The following ADAMTS6 variants were observed in gnomAD, a reference collection of about 807,000 sequenced individuals.
ADAMTS6 encodes ADAM metallopeptidase with thrombospondin type 1 motif 6.
ADAMTS6 carries 23 observed loss-of-function variants against 144.3 expected under a neutral mutation model. That is an observed-to-expected ratio of 0.16 (90% CI 0.11 to 0.23). The LOEUF (loss-of-function observed/expected upper bound fraction) is 0.23. ADAMTS6 is among the 10% of genes least tolerant of loss of function. ADAMTS6 has a pLI of 1.00. For synonymous variants in ADAMTS6, 444 were observed against 457.5 expected (o/e 0.97, Z 0.38); for missense variants, 999 against 1,379.6 (o/e 0.72, Z 4.37).
At chr5:65,238,585 A>G (rs1472909959) in intron 15 of ADAMTS6, among the ~76,000 whole-genome samples, 2 of 151,568 alleles carry the variant, frequency 1.3e-5, no homozygotes, top group African/African-American at 2.4e-5. Context: ...GGACAACAGA[A>G]CCAGACCCTG....
At chr5:65,197,405 T>G (rs1250838773) in intron 20 of ADAMTS6, among the ~76,000 whole-genome samples, 1 of 152,214 alleles carries the variant, frequency 6.6e-6, no homozygotes, top group Non-Finnish European at 1.5e-5. Context: ...TCTTAAACAA[T>G]TTTATTCACA....
At chr5:65,409,246 C>A (rs1217479513) in intron 7 of ADAMTS6, among the ~76,000 whole-genome samples, 1 of 152,072 alleles carries the variant, frequency 6.6e-6, no homozygotes, top group Admixed American at 6.6e-5. Flanking sequence ...AACTGATAGA[C>A]CGCTAGCAAG....
intron 15 of ADAMTS6, among the ~76,000 whole-genome samples, chr5:65,233,492 G>GATACAAAAATCAAC (rs1758419638): frequency 6.6e-6 from 1 of 151,800 alleles, no homozygotes; most frequent in African/African-American, 2.4e-5. Context: ...AGTAAATACG[G>GATACAAAAATCAAC]ATACAAAAAT....
intron 7 of ADAMTS6, among the ~76,000 whole-genome samples, chr5:65,339,394 A>C (rs1747606811): frequency 6.6e-6 from 1 of 151,690 alleles, no homozygotes; most frequent in Admixed American, 6.6e-5. Flanking sequence ...AAATTAGAAG[A>C]GGTAGCTTTT....
At chr5:65,167,092 G>C (rs1289747233) in intron 24 of ADAMTS6, among the ~76,000 whole-genome samples, 10 of 144,526 alleles carry the variant, frequency 6.9e-5, no homozygotes, top group Admixed American at 6.9e-5. Context: ...ATGAATCCAG[G>C]AGCTGGTTTT....
chr5:65,436,163 CAACCTAAGCAACAT>C (rs559462225), intron 7 of ADAMTS6, among the ~76,000 whole-genome samples: 267 of 152,090 alleles, frequency 1.8e-3, no homozygotes, highest in African/African-American at 2.4e-3. Flanking sequence ...AGCTCGAGAC[CAACCTAAGCAACAT>C]AACCTAAGCA....
intron 8 of ADAMTS6, among the ~76,000 whole-genome samples, chr5:65,332,306 TATATATAGAGAG>T (rs1400443595): frequency 3.7e-3 from 452 of 120,640 alleles, no homozygotes; most frequent in Non-Finnish European, 6.8e-3. Flanking sequence ...TATATATATA[TATATATAGAGAG>T]AGAGAGAGAG....
chr5:65,409,631 C>G (rs979065231), intron 7 of ADAMTS6, among the ~76,000 whole-genome samples: 1 of 152,090 alleles, frequency 6.6e-6, no homozygotes, highest in African/African-American at 2.4e-5. Flanking sequence ...AGAAGAAATC[C>G]TCCTAACTCA....
At position 65,210,765 on chromosome 5, in the gene ADAMTS6, T is replaced by G. The variant is rs541141250; in HGVS notation, c.2575+4029A>C. The G allele has an allele frequency of 2.7e-5, 17 of 625,048 alleles. No individual in the cohort carries two copies. The East Asian group carries it at 5.2e-4, about 19-fold the overall frequency. 38.7% of individuals were successfully genotyped at this position (625,048 alleles called of 1,614,324 possible). A position where few individuals can be genotyped will look rare whatever the true frequency, so the allele number is the denominator to read the frequency against. On this transcript the variant is annotated intron_variant, in intron 20 of 24. Transcript: ENST00000381055. Reference sequence around the variant, plus strand: ...ACATGTGCTACTTAATGGAGGAAGATGAAGATGCTTACAAGAAACAGTTCT... The same window carrying G: ...ACATGTGCTACTTAATGGAGGAAGAGGAAGATGCTTACAAGAAACAGTTCT...
intron 1 of ADAMTS6, among the ~76,000 whole-genome samples, chr5:65,475,286 A>C (rs1384591640): frequency 6.6e-6 from 1 of 152,226 alleles, no homozygotes; most frequent in Admixed American, 6.5e-5. Context: ...AACAACAGCC[A>C]TTTAAATCCC....
intron 7 of ADAMTS6, among the ~76,000 whole-genome samples, chr5:65,410,354 T>G (rs952084052): frequency 7.2e-5 from 11 of 152,206 alleles, no homozygotes; most frequent in Non-Finnish European, 1.3e-4. Context: ...TTGAATAAAT[T>G]ATGGGTAAAA....
intron 14 of ADAMTS6, among the ~76,000 whole-genome samples, chr5:65,253,939 C>G (rs1246675826): frequency 6.8e-6 from 1 of 148,102 alleles, no homozygotes; most frequent in Non-Finnish European, 1.5e-5. Context: ...GTGATCCTCC[C>G]ACTCAAGCAA....
intron 7 of ADAMTS6, among the ~76,000 whole-genome samples, chr5:65,371,421 C>T (rs980148735): frequency 2.6e-5 from 4 of 151,846 alleles, no homozygotes; most frequent in Admixed American, 6.6e-5. Context: ...CAGAGAAGTG[C>T]TTAAAGGAGC....
chr5:65,226,040 T>G, intron 16 of ADAMTS6, 46 bp downstream of exon 16: 1 of 1,559,542 alleles, frequency 6.4e-7, no homozygotes, highest in South Asian at 1.2e-5. Context: ...GAGAAAAAGA[T>G]AAAAGTCTCA....
At chr5:65,255,417 C>T (rs1211285206) in intron 14 of ADAMTS6, among the ~76,000 whole-genome samples, 1 of 152,100 alleles carries the variant, frequency 6.6e-6, no homozygotes, top group Non-Finnish European at 1.5e-5. Flanking sequence ...TCCACCCTTT[C>T]CCCCAAGCCC....
chr5:65,359,571 C>A (rs1459278463), intron 7 of ADAMTS6, among the ~76,000 whole-genome samples: 1 of 152,084 alleles, frequency 6.6e-6, no homozygotes, highest in Admixed American at 6.6e-5. Flanking sequence ...AAAGTCAATT[C>A]ACTGTGGCAT....
chr5:65,247,610 A>G (rs540544340), intron 14 of ADAMTS6, among the ~76,000 whole-genome samples: 32 of 152,136 alleles, frequency 2.1e-4, no homozygotes, highest in Admixed American at 8.5e-4. Context: ...ATGATGTATC[A>G]TTTCTTATTG....
chr5:65,199,733 A>C (rs566265646), intron 20 of ADAMTS6, among the ~76,000 whole-genome samples: 3 of 152,104 alleles, frequency 2.0e-5, no homozygotes, highest in Non-Finnish European at 4.4e-5. Flanking sequence ...TCATTTACTC[A>C]TTCATTCATT....
chr5:65,292,892 C>T (rs76532477), intron 10 of ADAMTS6, among the ~76,000 whole-genome samples: 1 of 152,040 alleles, frequency 6.6e-6, no homozygotes, highest in East Asian at 1.9e-4. Context: ...CCCAGCTATC[C>T]AGTTTTCATA....
Sources: gnomAD v4.1 joint callset for allele counts (sites outside exome capture counted in the v4.1 genomes callset) on GRCh38, gnomAD v4.1.1 for gene constraint, MANE v1.5 for transcripts, NCBI Gene and HGNC (gene_info 2026-07-23, HGNC 2026-07-21) for gene names.